The following SGO1 variants were observed in gnomAD, a reference collection of about 807,000 sequenced individuals.
SGO1 encodes shugoshin 1, also known as serologically defined breast cancer antigen NY-BR-85.
SGO1 carries 39 observed loss-of-function variants against 50.5 expected under a neutral mutation model. The observed-to-expected ratio is 0.77, with a 90% CI of 0.60 to 1.01. The LOEUF (loss-of-function observed/expected upper bound fraction) is 1.01, where lower values mean the gene tolerates loss of function less well. Ranked by LOEUF, SGO1 falls within the 50% of genes least tolerant of loss-of-function variation. The pLI is 0.00. For missense variants in SGO1, 638 were observed against 606.0 expected (o/e 1.05, Z -0.55); for synonymous variants, 191 against 205.1 (o/e 0.93, Z 0.59).
chr3:20,172,091 GTATTAAT>G (rs1270660668), intron 6 of SGO1, among the ~76,000 whole-genome samples: 4 of 152,176 alleles, frequency 2.6e-5, no homozygotes, highest in African/African-American at 9.7e-5. Context: ...ATACTGTACT[GTATTAAT>G]TATTCCAACT....
At chr3:20,185,468 A>ATGACGGTCTCAATCTGTACAGTAC (rs1311781509) in intron 1 of SGO1, among the ~76,000 whole-genome samples, 62 of 152,330 alleles carry the variant, frequency 4.1e-4, no homozygotes, top group African/African-American at 1.4e-3. Context: ...ACAGCGCGAG[A>ATGACGGTCTCAATCTGTACAGTAC]TGACGGTCTC....
downstream of SGO1, among the ~76,000 whole-genome samples, chr3:20,166,799 GT>G (rs1345926744): frequency 7.6e-6 from 1 of 131,406 alleles, no homozygotes; most frequent in Non-Finnish European, 1.6e-5. Context: ...GAGGCCAGGA[GT>G]TTAAGACTGG....
In SGO1 at chr3:20,170,527, T is replaced by C. The variant is rs1700605194; in HGVS notation, c.*177A>G. On this transcript the variant is annotated 3_prime_UTR_variant, in exon 8 of 8. Transcript: ENST00000412997. ...AAAAAATAAATTAAATTTATTAAAG[T>C]TTTAATACAAAGCATCCCATTTGAA... 1 of 1,218,180 alleles carries C rather than the reference T, an allele frequency of 8.2e-7. No individual in the cohort carries two copies. The allele number at this position is 1,218,180 out of a possible 1,614,324, so 75.5% of individuals were successfully genotyped here. A position where few individuals can be genotyped will look rare whatever the true frequency, so the allele number is the denominator to read the frequency against.
intron 3 of SGO1, among the ~76,000 whole-genome samples, chr3:20,181,302 T>C (rs1040100932): frequency 2.6e-5 from 4 of 152,210 alleles, no homozygotes; most frequent in Non-Finnish European, 5.9e-5. Context: ...AAAAATCTAC[T>C]ATAAAATTAG....
intron 3 of SGO1, among the ~76,000 whole-genome samples, chr3:20,181,162 C>T (rs931406754): frequency 2.0e-5 from 3 of 152,160 alleles, no homozygotes; most frequent in African/African-American, 7.2e-5. Flanking sequence ...CCACCCCCAA[C>T]CTACCCTGGC....
chr3:20,161,706 T>C (rs1700048316), intron 8 of SGO1, among the ~76,000 whole-genome samples: 1 of 152,080 alleles, frequency 6.6e-6, no homozygotes, highest in Non-Finnish European at 1.5e-5. Flanking sequence ...AGATATTGCA[T>C]AAGGAGAGAA....
rs551110833 is a variant in SGO1 at position 20,185,659 on chromosome 3, C to G, written c.-8+289G>C. Among the ~76,000 whole-genome samples the G allele has an allele frequency of 2.7e-4, 41 of 152,334 alleles. 1 individual carries two copies. The highest frequency in any genetic ancestry group is 9.6e-4 in the African/African-American group (40 of 41,572). ...TGGACAAGGAGGACGTCAACGGTAT[C>G]ACGCTGCACAAAGAACTGCTGTCAA... On this transcript the variant is annotated intron_variant, in intron 1 of 7. Coordinates refer to ENST00000412997, the MANE Select transcript of SGO1 (RefSeq NM_001199251.3).
Position 20,171,181 on chromosome 3 carries a change from G to A in SGO1, c.1334C>T (p.Thr445Ile), listed in dbSNP as rs1700699565. 6.2e-7 allele frequency: 1 copy of A among 1,611,460 alleles called. No homozygotes were observed. Among genetic ancestry groups the A allele is most frequent in the East Asian group, 2.2e-5 (1 of 44,720 alleles). ...QSPHLSLKDITNVSLYPVVKI... is the reference protein window; with the variant it reads ...QSPHLSLKDIINVSLYPVVKI... ...CACAACAGGATACAAGGAGACATTG[G>A]TGATATCCTTCAGGCTAAGATGAGG... Residue 445 changes from threonine to isoleucine, a missense_variant, in exon 7 of 8, where the codon ACC becomes ATC. Transcript: ENST00000412997.
chr3:20,182,346 A>G (rs972107684), intron 3 of SGO1, among the ~76,000 whole-genome samples: 3 of 132,920 alleles, frequency 2.3e-5, no homozygotes, highest in Non-Finnish European at 1.6e-5. Context: ...CCCACCCCCC[A>G]TATCCCTCCC....
At chr3:20,185,568 G>A (rs944714830) in intron 1 of SGO1, among the ~76,000 whole-genome samples, 3 of 152,134 alleles carry the variant, frequency 2.0e-5, no homozygotes, top group African/African-American at 7.2e-5. Context: ...GTCCTGCTGC[G>A]AAGACAGCCA....
chr3:20,180,981 G>A (rs1481129515), intron 3 of SGO1, among the ~76,000 whole-genome samples: 1 of 152,138 alleles, frequency 6.6e-6, no homozygotes, highest in East Asian at 1.9e-4. Context: ...AAAAAAATTA[G>A]ACAGGTGTGG....
At chr3:20,182,482 C>A (rs958553195) in intron 3 of SGO1, among the ~76,000 whole-genome samples, 82 of 152,184 alleles carry the variant, frequency 5.4e-4, no homozygotes, top group African/African-American at 1.9e-3. Context: ...CCTGACACCA[C>A]TGCTTTTTTT....
At position 20,170,696 on chromosome 3, in the gene SGO1, C is replaced by A. The variant is rs114711704; in HGVS notation, c.*8G>T. The A allele has an allele frequency of 7.7e-6, 12 of 1,566,440 alleles. No homozygotes were observed. The highest frequency in any genetic ancestry group is 2.3e-5 in the East Asian group (1 of 43,512). On this transcript the variant is annotated 3_prime_UTR_variant, in exon 8 of 8. Transcript: ENST00000412997. The stretch of plus-strand genomic sequence containing the variant: ...TAGATTGAATTTAAACAATATCCAA[C>A]AAAACCTTCATTGTATTTGTTTCAT...
intron 3 of SGO1, among the ~76,000 whole-genome samples, chr3:20,179,952 G>A (rs922036099): frequency 2.0e-5 from 3 of 152,126 alleles, no homozygotes; most frequent in African/African-American, 7.2e-5. Context: ...GGAGGTTTTG[G>A]TGACCTTGAC....
intron 3 of SGO1, among the ~76,000 whole-genome samples, chr3:20,181,141 CGA>C (rs1701972772): frequency 6.6e-6 from 1 of 152,120 alleles, no homozygotes; most frequent in Non-Finnish European, 1.5e-5. Context: ...TGGGTAAGAG[CGA>C]GACTCTGTCC....
chr3:20,176,520 T>A, intron 5 of SGO1, 81 bp downstream of exon 5: 1 of 847,836 alleles, frequency 1.2e-6, no homozygotes, highest in Non-Finnish European at 1.8e-6. Context: ...AAAAAAGAAT[T>A]AGATAAATTT....
chr3:20,160,868 C>G, exon 9 of SGO1: 1 of 343,566 alleles, frequency 2.9e-6, no homozygotes. Flanking sequence ...GTGACACAAC[C>G]AAAAGGAAAC....
In SGO1 at chr3:20,170,331, G is replaced by A. The variant is rs1042027155; in HGVS notation, c.*373C>T. 1 of 678,164 alleles carries A rather than the reference G, an allele frequency of 1.5e-6. No individual in the cohort carries two copies. The allele number at this position is 678,164 out of a possible 1,614,324, so 42.0% of individuals were successfully genotyped here. A position where few individuals can be genotyped will look rare whatever the true frequency, so the allele number is the denominator to read the frequency against. ...GAGAATCGCTTGAACCTGGGAGGCGGAGGTTGCGGTAAGCTGAGATCGTGC... is the reference window on the plus strand; with the variant it reads ...GAGAATCGCTTGAACCTGGGAGGCGAAGGTTGCGGTAAGCTGAGATCGTGC... On this transcript the variant is annotated 3_prime_UTR_variant, in exon 8 of 8. Coordinates refer to ENST00000412997, the MANE Select transcript of SGO1 (RefSeq NM_001199251.3).
chr3:20,166,056 C>CA (rs923394132), downstream of SGO1, among the ~76,000 whole-genome samples: 6 of 149,164 alleles, frequency 4.0e-5, no homozygotes, highest in African/African-American at 1.5e-4. Flanking sequence ...CCATCTCAAA[C>CA]AAAAAAAAAG....
Sources: allele counts gnomAD v4.1 joint callset (sites outside exome capture counted in the v4.1 genomes callset), GRCh38; gene constraint gnomAD v4.1.1; transcripts MANE v1.5; gene names NCBI Gene and HGNC (gene_info 2026-07-23, HGNC 2026-07-21).